The following ARHGAP32 variants were observed in gnomAD, a reference collection of about 807,000 sequenced individuals.
ARHGAP32 encodes Rho GTPase activating protein 32, also known as rho GTPase-activating protein 32.
In ARHGAP32, 51 loss-of-function variants were observed where a neutral mutation model predicts 186.5. The ratio of observed to expected loss-of-function variants is 0.27; its 90% CI spans 0.22 to 0.35. The LOEUF (loss-of-function observed/expected upper bound fraction) is 0.35, where lower values mean the gene tolerates loss of function less well. Among genes scored for constraint, ARHGAP32 ranks in the 10% least tolerant of loss-of-function variants. ARHGAP32 has a pLI of 1.00. For missense variants in ARHGAP32, 2,186 were observed against 2,623.5 expected, an observed-to-expected ratio of 0.83 and a Z score of 3.64; for synonymous variants, 950 against 964.3, an observed-to-expected ratio of 0.99 and a Z score of 0.27.
At chr11:128,979,034 G>A in intron 18 of ARHGAP32, 119 bp from the exon 19 acceptor site, 1 of 865,714 alleles carries the variant, frequency 1.2e-6, no homozygotes. Flanking sequence ...AAGTGAAACA[G>A]TAAGCAAACA....
Position 128,972,831 on chromosome 11 carries a change from A to G in ARHGAP32, c.3675T>C (p.Asp1225=). 1 of 1,614,004 alleles carries G rather than the reference A, an allele frequency of 6.2e-7. No homozygotes were observed. Among genetic ancestry groups the G allele is most frequent in the Non-Finnish European group, 8.5e-7 (1 of 1,180,020 alleles). ...DQSPPRFYSG[D]QPPSYLGASV... ...TTGCACCAAGATAAGAAGGAGGCTG[A>G]TCTCCACTGTAGAAACGGGGTGGAG... Residue 1225 remains aspartate (D), a synonymous_variant, in exon 22 of 23, where the codon GAT becomes GAC. Transcript: ENST00000682385.
intron 1 of ARHGAP32, among the ~76,000 whole-genome samples, chr11:129,245,656 A>AAATAAT (rs56047154): frequency 8.2e-5 from 12 of 146,250 alleles, no homozygotes; most frequent in East Asian, 6.0e-4. Context: ...CAACAGATTA[A>AAATAAT]AATAATAATA....
intron 1 of ARHGAP32, among the ~76,000 whole-genome samples, chr11:129,244,707 G>A (rs933748367): frequency 6.6e-6 from 1 of 151,814 alleles, no homozygotes; most frequent in African/African-American, 2.4e-5. Flanking sequence ...ATCTGACAAA[G>A]GGCTAATATC....
At chr11:129,057,396 T>G (rs1408190984) in intron 10 of ARHGAP32, among the ~76,000 whole-genome samples, 1 of 152,056 alleles carries the variant, frequency 6.6e-6, no homozygotes, top group Non-Finnish European at 1.5e-5. Context: ...AGAGAGTCCC[T>G]CAGGTGCCTT....
At chr11:128,998,216 GA>G (rs1162834208) in intron 12 of ARHGAP32, 102 bp downstream of exon 12, 1 of 995,136 alleles carries the variant, frequency 1.0e-6, no homozygotes, top group Non-Finnish European at 1.4e-6. Context: ...GAACTGAAAT[GA>G]AACAGGTATC....
chr11:129,064,523 G>A (rs1940622445), intron 8 of ARHGAP32, among the ~76,000 whole-genome samples: 1 of 151,960 alleles, frequency 6.6e-6, no homozygotes, highest in Non-Finnish European at 1.5e-5. Context: ...GCTAATAACT[G>A]AAAAATATTT....
At chr11:129,277,361 C>G (rs1251114184) in intron 1 of ARHGAP32, among the ~76,000 whole-genome samples, 1 of 152,168 alleles carries the variant, frequency 6.6e-6, no homozygotes, top group Non-Finnish European at 1.5e-5. Flanking sequence ...TACTGGAATT[C>G]AAACCAACAT....
chr11:129,024,116 A>T, intron 11 of ARHGAP32: 1 of 985,446 alleles, frequency 1.0e-6, no homozygotes, highest in South Asian at 4.7e-5. Context: ...CAGTCAGTGG[A>T]GCCCAGCAAG....
chr11:129,016,459 C>CT (rs1282469084), intron 11 of ARHGAP32, among the ~76,000 whole-genome samples: 2 of 152,118 alleles, frequency 1.3e-5, no homozygotes, highest in African/African-American at 4.8e-5. Context: ...GAGATATATA[C>CT]TTTTTTCCAT....
At chr11:129,063,755 G>T in intron 9 of ARHGAP32, 147 bp downstream of exon 9, 1 of 869,388 alleles carries the variant, frequency 1.2e-6, no homozygotes, top group South Asian at 2.5e-5. Context: ...AAAAATAGAA[G>T]ATATTACAGG....
At chr11:129,092,414 C>T (rs1941606080) in intron 6 of ARHGAP32, among the ~76,000 whole-genome samples, 1 of 151,890 alleles carries the variant, frequency 6.6e-6, no homozygotes, top group Non-Finnish European at 1.5e-5. Flanking sequence ...ATATGATTTT[C>T]ATCCATCTAT....
intron 5 of ARHGAP32, among the ~76,000 whole-genome samples, chr11:129,102,867 C>T (rs982084893): frequency 1.3e-5 from 2 of 152,128 alleles, no homozygotes; most frequent in Non-Finnish European, 2.9e-5. Flanking sequence ...AGCAATTCCA[C>T]TTCTGGGTAT....
intron 15 of ARHGAP32, among the ~76,000 whole-genome samples, chr11:128,983,920 T>C (rs1945787563): frequency 6.6e-6 from 1 of 152,182 alleles, no homozygotes; most frequent in Admixed American, 6.5e-5. Context: ...GTGTGAATTG[T>C]ATAAAACTTC....
intron 1 of ARHGAP32, among the ~76,000 whole-genome samples, chr11:129,233,767 CAG>C (rs914229248): frequency 3.3e-5 from 5 of 151,936 alleles, no homozygotes; most frequent in South Asian, 2.1e-4. Flanking sequence ...AAAAAGCCTG[CAG>C]AGTGATATAC....
chr11:129,189,672 T>C (rs982516416), intron 1 of ARHGAP32, among the ~76,000 whole-genome samples: 3 of 152,172 alleles, frequency 2.0e-5, no homozygotes, highest in Admixed American at 6.5e-5. Context: ...TGTGAGTCAA[T>C]GGCAGACAAA....
chr11:128,982,118 C>T, intron 15 of ARHGAP32, among the ~76,000 whole-genome samples, 182 bp from the exon 16 acceptor site: 1 of 152,160 alleles, frequency 6.6e-6, no homozygotes, highest in Admixed American at 6.5e-5. Context: ...GTGAATCTTC[C>T]ACCAAAGCTA....
chr11:129,271,873 A>C (rs1195970829), intron 1 of ARHGAP32, among the ~76,000 whole-genome samples: 1 of 152,070 alleles, frequency 6.6e-6, no homozygotes, highest in Non-Finnish European at 1.5e-5. Flanking sequence ...TTGATTAAAA[A>C]CAATTTCATT....
At chr11:129,228,875 T>TA (rs1340920932) in intron 1 of ARHGAP32, among the ~76,000 whole-genome samples, 1 of 152,020 alleles carries the variant, frequency 6.6e-6, no homozygotes, top group African/African-American at 2.4e-5. Flanking sequence ...AAATTAAATG[T>TA]AAAAAAAGAT....
chr11:129,179,904 C>T (rs908603799), intron 1 of ARHGAP32, among the ~76,000 whole-genome samples: 1 of 151,962 alleles, frequency 6.6e-6, no homozygotes, highest in African/African-American at 2.4e-5. Context: ...TGTAACTAAC[C>T]TGCACATTGT....
Sources: allele counts gnomAD v4.1 joint callset (sites outside exome capture counted in the v4.1 genomes callset), GRCh38; gene constraint gnomAD v4.1.1; transcripts MANE v1.5; gene names NCBI Gene and HGNC (gene_info 2026-07-23, HGNC 2026-07-21).